The following ZNF134 variants were observed in gnomAD, a reference collection of about 807,000 sequenced individuals.
The protein encoded by ZNF134 is zinc finger protein 134.
In ZNF134, 5 loss-of-function variants were observed where a neutral mutation model predicts 2.5. The ratio of observed to expected loss-of-function variants is 2.03; its 90% CI spans 1.06 to 4.27. The LOEUF (loss-of-function observed/expected upper bound fraction) is 4.27. Ranked by LOEUF, ZNF134 falls within the 30% of genes most tolerant of loss-of-function variation. ZNF134 has a pLI of 0.00. For missense variants in ZNF134, 540 were observed against 517.5 expected, an observed-to-expected ratio of 1.04 and a Z score of -0.42; for synonymous variants, 176 against 176.2, an observed-to-expected ratio of 1.00 and a Z score of 0.01.
Position 57,614,484 on chromosome 19 carries a change from C to T in ZNF134, c.-77C>T, listed in dbSNP as rs569043147. Reference sequence around the variant, plus strand: ...CTACGAACTGTGATGGCGGCGGCCGCGGTGATGGGCCCGGCGCAGGTGGGT... The same window carrying T: ...CTACGAACTGTGATGGCGGCGGCCGTGGTGATGGGCCCGGCGCAGGTGGGT... On this transcript the variant is annotated 5_prime_UTR_variant, in exon 1 of 3. Transcript: ENST00000396161. 235 of 396,690 alleles carry T rather than the reference C, an allele frequency of 5.9e-4. No individual in the cohort carries two copies. The highest frequency in any genetic ancestry group is 4.5e-3 in the African/African-American group (213 of 47,362). 24.6% of individuals were successfully genotyped at this position (396,690 alleles called of 1,614,324 possible). A position where few individuals can be genotyped will look rare whatever the true frequency, so the allele number is the denominator to read the frequency against.
At position 57,621,435 on chromosome 19, in the gene ZNF134, C is replaced by G; in HGVS notation, c.*32C>G. ...TTTGAATACAACAGGACTCATCAAT[C>G]AGATGTTGAATTTCATGTATCTGAA... On this transcript the variant is annotated 3_prime_UTR_variant, in exon 3 of 3. Coordinates refer to ENST00000396161, the MANE Select transcript of ZNF134 (RefSeq NM_003435.5). 2 of 1,608,244 alleles carry G rather than the reference C, an allele frequency of 1.2e-6. No homozygotes were observed. The highest frequency in any genetic ancestry group is 1.3e-5 in the African/African-American group (1 of 75,050).
Position 57,621,273 on chromosome 19 carries a change from C to A in ZNF134, c.1154C>A (p.Ser385Tyr). 6.2e-7 allele frequency: 1 copy of A among 1,614,024 alleles called. No individual in the cohort carries two copies. The highest frequency in any genetic ancestry group is 8.5e-7 in the Non-Finnish European group (1 of 1,180,010). The stretch of plus-strand genomic sequence containing the variant: ...TGTGGGAAAGACTTTATCAGAACCT[C>A]CCACCTTGTTCGACACCAAAGAGTT... ...SKCGKDFIRTSHLVRHQRVHT... is the reference protein window; with the variant it reads ...SKCGKDFIRTYHLVRHQRVHT... Residue 385 changes from serine (S) to tyrosine (Y), a missense_variant, in exon 3 of 3, where the codon TCC (serine) becomes TAC (tyrosine). Coordinates refer to ENST00000396161, the MANE Select transcript of ZNF134 (RefSeq NM_003435.5).
chr19:57,621,513 G>T lies in ZNF134; in HGVS notation c.*110G>T. On this transcript the variant is annotated 3_prime_UTR_variant, in exon 3 of 3. Transcript: ENST00000396161. ...TGCCAGGTACGTGGGAACCTTCTAG[G>T]GATATGTTGCACTTTCTGACTTGCT... 1 of 1,534,652 alleles carries T rather than the reference G, an allele frequency of 6.5e-7. No homozygotes were observed. Among genetic ancestry groups the T allele is most frequent in the Non-Finnish European group, 8.9e-7 (1 of 1,121,244 alleles).
chr19:57,618,719 G>C (rs1401275963), intron 1 of ZNF134: 1 of 152,376 alleles, frequency 6.6e-6, no homozygotes, highest in Non-Finnish European at 1.5e-5. Flanking sequence ...GAGAGAGGCT[G>C]TCCTTAAGCT....
chr19:57,615,484 A>G (rs917805514), intron 1 of ZNF134, among the ~76,000 whole-genome samples: 6 of 151,910 alleles, frequency 3.9e-5, no homozygotes, highest in African/African-American at 1.2e-4. Context: ...TTGGAAGTCA[A>G]TGCTTGGTGC....
At position 57,620,814 on chromosome 19, in the gene ZNF134, A is replaced by T. The variant is rs779995478; in HGVS notation, c.695A>T (p.Tyr232Phe). 4 of 1,614,120 alleles carry T rather than the reference A, an allele frequency of 2.5e-6. No homozygotes were observed. In the African/African-American group the frequency reaches 4.0e-5, roughly 16 times the overall value. ...AGAATCCATACTGGAGAAAGGCCTTATGAATGCAGCGAATGTGGAAAAACC... is the reference window on the plus strand; with the variant it reads ...AGAATCCATACTGGAGAAAGGCCTTTTGAATGCAGCGAATGTGGAAAAACC... ...HQRIHTGERP[Y>F]ECSECGKTFS... The change falls in exon 3 of 3, where the codon TAT (tyrosine) becomes TTT (phenylalanine). Residue 232 changes from tyrosine (Y) to phenylalanine (F), a missense_variant. Coordinates refer to ENST00000396161, the MANE Select transcript of ZNF134 (RefSeq NM_003435.5).
At position 57,623,108 on chromosome 19, in the gene ZNF134, C is replaced by G. The variant is rs1249597749; in HGVS notation, c.*1705C>G. The G allele has an allele frequency of 6.6e-6, 1 of 152,084 alleles. No individual in the cohort carries two copies. Among genetic ancestry groups the G allele is most frequent in the Admixed American group, 6.5e-5 (1 of 15,270 alleles). The allele number at this position is 152,084 out of a possible 1,614,324, so 9.4% of individuals were successfully genotyped here. A position where few individuals can be genotyped will look rare whatever the true frequency, so the allele number is the denominator to read the frequency against. On this transcript the variant is annotated 3_prime_UTR_variant, in exon 3 of 3. Coordinates refer to ENST00000396161, the MANE Select transcript of ZNF134 (RefSeq NM_003435.5). ...GCCTTCCCCCAGAATCCCTAGGCAA[C>G]CACTGAGTAGTTTTCACTGTAGGTA...
rs1383296837 is a variant in ZNF134 at position 57,619,687 on chromosome 19, C to T, written c.40+179C>T. Reference sequence around the variant, plus strand: ...GACTTCTGACCCAGGGCTGTCTTCTCCCATTCTCTACCAGAGGGGCTCTAG... The same window carrying T: ...GACTTCTGACCCAGGGCTGTCTTCTTCCATTCTCTACCAGAGGGGCTCTAG... On this transcript the variant is annotated intron_variant, in intron 2 of 2. Coordinates refer to ENST00000396161, the MANE Select transcript of ZNF134 (RefSeq NM_003435.5). 5.8e-6 allele frequency: 4 copies of T among 694,122 alleles called. No individual in the cohort carries two copies. The East Asian group carries it at 1.1e-4, about 19-fold the overall frequency. 43.0% of individuals were successfully genotyped at this position (694,122 alleles called of 1,614,324 possible).
At chr19:57,614,539 A>G (rs1980997809) in intron 1 of ZNF134, 36 bp downstream of exon 1, 1 of 347,590 alleles carries the variant, frequency 2.9e-6, no homozygotes, top group East Asian at 9.0e-5. Context: ...CGCCCGCCCC[A>G]AATCCTGAAG....
chr19:57,619,108 G>A (rs1266002321), intron 1 of ZNF134, among the ~76,000 whole-genome samples: 1 of 152,076 alleles, frequency 6.6e-6, no homozygotes, highest in Non-Finnish European at 1.5e-5. Context: ...GGAGGTCAGG[G>A]GTCCTAAGGT....
chr19:57,619,079 G>A (rs1981126242), intron 1 of ZNF134, among the ~76,000 whole-genome samples: 1 of 152,106 alleles, frequency 6.6e-6, no homozygotes, highest in Admixed American at 6.5e-5. Flanking sequence ...CTGCCCTGAA[G>A]CCTTGCCAGG....
At chr19:57,619,390 C>G in intron 1 of ZNF134, 22 bp from the exon 2 acceptor site, 1 of 1,540,756 alleles carries the variant, frequency 6.5e-7, no homozygotes, top group Middle Eastern at 1.7e-4. Flanking sequence ...TTCACCTTTC[C>G]CCTATGCTTT....
rs1471463571 is a variant in ZNF134, at chr19:57,624,429, G to T, written c.*3026G>T. ...ACAGCTAAAACGGGAACTAGGCAAA[G>T]AAACCGTGGGATAACAGAAAACCCA... On this transcript the variant is annotated 3_prime_UTR_variant, in exon 3 of 3. Coordinates refer to ENST00000396161, the MANE Select transcript of ZNF134 (RefSeq NM_003435.5). The T allele has an allele frequency of 6.6e-6, 1 of 151,838 alleles. No individual in the cohort carries two copies. The highest frequency in any genetic ancestry group is 1.5e-5 in the Non-Finnish European group (1 of 67,960). 9.4% of individuals were successfully genotyped at this position (151,838 alleles called of 1,614,324 possible).
intron 1 of ZNF134, 81 bp from the exon 2 acceptor site, chr19:57,619,331 C>G: frequency 9.1e-7 from 1 of 1,103,608 alleles, no homozygotes; most frequent in Non-Finnish European, 1.3e-6. Context: ...CATTTGTTTT[C>G]TTGCAATTTT....
At position 57,621,542 on chromosome 19, in the gene ZNF134, G is replaced by T. The variant is rs755742262; in HGVS notation, c.*139G>T. ...ATGTTGCACTTTCTGACTTGCTCAG[G>T]TTTTTTGCCAGAGTTATGTCACTGT... On this transcript the variant is annotated 3_prime_UTR_variant, in exon 3 of 3. Transcript: ENST00000396161. The T allele has an allele frequency of 4.4e-6, 6 of 1,372,546 alleles. No individual in the cohort carries two copies. The African/African-American group carries it at 8.5e-5, about 20-fold the overall frequency. The allele number at this position is 1,372,546 out of a possible 1,614,324, so 85.0% of individuals were successfully genotyped here.
rs779687553 is a variant in ZNF134 at position 57,620,466 on chromosome 19, T to G, written c.347T>G (p.Val116Gly). The G allele has an allele frequency of 2.5e-6, 4 of 1,614,076 alleles. No homozygotes were observed. Among genetic ancestry groups the G allele is most frequent in the African/African-American group, 1.3e-5 (1 of 74,914 alleles). ...LRRDKSEASI[V>G]KNCTVSKEPH... The stretch of plus-strand genomic sequence containing the variant: ...AGGGATAAAAGTGAGGCCTCAATTG[T>G]GAAGAACTGCACAGTTAGCAAAGAA... The change falls in exon 3 of 3, where the codon GTG (valine) becomes GGG (glycine). Residue 116 changes from valine to glycine, a missense_variant. Coordinates refer to ENST00000396161, the MANE Select transcript of ZNF134 (RefSeq NM_003435.5).
At chr19:57,618,936 G>A (rs984557250) in intron 1 of ZNF134, 2 of 157,346 alleles carry the variant, frequency 1.3e-5, no homozygotes, top group Non-Finnish European at 1.4e-5. Flanking sequence ...TTTGCCCTAG[G>A]GGTTGCTCTT....
Position 57,620,478 on chromosome 19 carries a change from C to T in ZNF134, c.359C>T (p.Thr120Ile), listed in dbSNP as rs1981172594. Reference sequence around the variant, plus strand: ...GAGGCCTCAATTGTGAAGAACTGCACAGTTAGCAAAGAACCTCATCCGTCA... The same window carrying T: ...GAGGCCTCAATTGTGAAGAACTGCATAGTTAGCAAAGAACCTCATCCGTCA... ...KSEASIVKNC[T>I]VSKEPHPSEK... The change falls in exon 3 of 3, where the codon ACA (threonine) becomes ATA (isoleucine). Residue 120 changes from threonine (T) to isoleucine (I), a missense_variant. Transcript: ENST00000396161. 2.5e-6 allele frequency: 4 copies of T among 1,614,158 alleles called. No homozygotes were observed. The highest frequency in any genetic ancestry group is 3.4e-6 in the Non-Finnish European group (4 of 1,180,036).
At position 57,614,413 on chromosome 19, in the gene ZNF134, G is replaced by A; in HGVS notation, c.-148G>A. On this transcript the variant is annotated 5_prime_UTR_variant, in exon 1 of 3. The change creates a new upstream start codon in the 5' untranslated region. Transcript: ENST00000396161. ...GCGCCCCCGGGGACGGACGACCGCG[G>A]TGCCAGGGTCCCGCGACCTGGGACC... 1 of 449,996 alleles carries A rather than the reference G, an allele frequency of 2.2e-6. No homozygotes were observed. Among genetic ancestry groups the A allele is most frequent in the Non-Finnish European group, 4.5e-6 (1 of 223,906 alleles). 27.9% of individuals were successfully genotyped at this position (449,996 alleles called of 1,614,324 possible).
Sources: allele counts gnomAD v4.1 joint callset (sites outside exome capture counted in the v4.1 genomes callset), GRCh38; gene constraint gnomAD v4.1.1; transcripts MANE v1.5; gene names NCBI Gene and HGNC (gene_info 2026-07-23, HGNC 2026-07-21).